The following SDC2 variants were observed in gnomAD, a reference collection of about 807,000 sequenced individuals.
SDC2 encodes syndecan 2, also known as syndecan-2.
SDC2 carries 13 observed loss-of-function variants against 22.2 expected under a neutral mutation model. That is an observed-to-expected ratio of 0.59 (90% CI 0.38 to 0.93). The LOEUF is 0.93. Ranked by LOEUF, SDC2 falls within the 40% of genes least tolerant of loss-of-function variation. SDC2 has a pLI of 0.00. For missense variants in SDC2, 235 were observed against 246.8 expected (o/e 0.95, Z 0.32); for synonymous variants, 94 against 92.8 (o/e 1.01, Z -0.07).
chr8:96,576,205 C>G lies in SDC2; in HGVS notation c.61-17275C>G, dbSNP rs1346088790. Among the ~76,000 whole-genome samples the G allele has an allele frequency of 1.3e-5, 2 of 151,850 alleles. 1 individual carries two copies. Among genetic ancestry groups the G allele is most frequent in the Non-Finnish European group, 2.9e-5 (2 of 67,972 alleles). On this transcript the variant is annotated intron_variant, in intron 1 of 4. Transcript: ENST00000302190. ...GTACCTGGTATGAAGGCGGTACTTT[C>G]TGGTCCCATTAGTGATTAATACCAG...
intron 1 of SDC2, among the ~76,000 whole-genome samples, chr8:96,546,786 T>G (rs1813941158): frequency 6.6e-6 from 1 of 152,198 alleles, no homozygotes; most frequent in African/African-American, 2.4e-5. Flanking sequence ...TGAATGGATT[T>G]CTCAAGTGTT....
At position 96,494,131 on chromosome 8, in the gene SDC2, C is replaced by G. The variant is rs1040404311; in HGVS notation, c.-141C>G. On this transcript the variant is annotated 5_prime_UTR_variant, in exon 1 of 5. Transcript: ENST00000302190. ...AAGCGAGCGCCCCCGAGCCCCGAGC[C>G]CGAGTCCCCGAGCCTGAGCCGCAAT... 1.2e-6 allele frequency: 1 copy of G among 811,460 alleles called. No homozygotes were observed. The highest frequency in any genetic ancestry group is 1.9e-6 in the Non-Finnish European group (1 of 538,528). 50.3% of individuals were successfully genotyped at this position (811,460 alleles called of 1,614,324 possible). A position where few individuals can be genotyped will look rare whatever the true frequency, so the allele number is the denominator to read the frequency against.
chr8:96,599,862 C>T lies in SDC2; in HGVS notation c.173-2533C>T, dbSNP rs920145155. ...ATTAAGAAATGAACCGGCCAGGAGC[C>T]GGGCACAGTGCCTCATACCTATAAT... On this transcript the variant is annotated intron_variant, in intron 2 of 4. Coordinates refer to ENST00000302190, the MANE Select transcript of SDC2 (RefSeq NM_002998.4). 4.6e-5 allele frequency among the ~76,000 whole-genome samples: 7 copies of T among 152,220 alleles called. No homozygotes were observed. In the East Asian group the frequency reaches 5.8e-4, roughly 13 times the overall value.
At chr8:96,534,259 A>G (rs1452507030) in intron 1 of SDC2, among the ~76,000 whole-genome samples, 3 of 152,176 alleles carry the variant, frequency 2.0e-5, no homozygotes, top group African/African-American at 7.2e-5. Flanking sequence ...GGGCCCCCAC[A>G]GTGCAGTGGT....
chr8:96,590,521 G>T (rs1446924762), intron 1 of SDC2, among the ~76,000 whole-genome samples: 1 of 152,188 alleles, frequency 6.6e-6, no homozygotes, highest in Non-Finnish European at 1.5e-5. Context: ...TGTCCCAAGG[G>T]AATATTGGTG....
chr8:96,603,726 A>G (rs1479689031), intron 3 of SDC2, among the ~76,000 whole-genome samples: 1 of 152,048 alleles, frequency 6.6e-6, no homozygotes, highest in Non-Finnish European at 1.5e-5. Context: ...GCACCGCTGG[A>G]TGGGTTTCTG....
chr8:96,587,558 C>T (rs1279463075), intron 1 of SDC2, among the ~76,000 whole-genome samples: 2 of 152,092 alleles, frequency 1.3e-5, no homozygotes, highest in African/African-American at 4.8e-5. Flanking sequence ...ATTGGCGTTA[C>T]TAAAAATTAA....
intron 1 of SDC2, chr8:96,585,146 A>G (rs1278295810): frequency 6.6e-6 from 1 of 152,160 alleles, no homozygotes; most frequent in Non-Finnish European, 1.5e-5. Flanking sequence ...CACCAGTTTC[A>G]TGAAGTGTAT....
chr8:96,585,276 CTG>C (rs1288194715), intron 1 of SDC2, among the ~76,000 whole-genome samples: 4 of 152,170 alleles, frequency 2.6e-5, no homozygotes, highest in African/African-American at 7.2e-5. Flanking sequence ...TTAGTTGTCT[CTG>C]TAATTATTTT....
chr8:96,527,011 T>C (rs1461275034), intron 1 of SDC2, among the ~76,000 whole-genome samples: 1 of 152,196 alleles, frequency 6.6e-6, no homozygotes, highest in African/African-American at 2.4e-5. Flanking sequence ...TCTTTTTGGA[T>C]GTCAGAGTCA....
At chr8:96,562,513 CATT>C (rs1264025879) in intron 1 of SDC2, among the ~76,000 whole-genome samples, 2 of 152,170 alleles carry the variant, frequency 1.3e-5, no homozygotes, top group Non-Finnish European at 2.9e-5. Flanking sequence ...GGAAGAGACT[CATT>C]GTTACTGGAG....
chr8:96,530,939 A>G (rs1017246829), intron 1 of SDC2, among the ~76,000 whole-genome samples: 3 of 152,164 alleles, frequency 2.0e-5, no homozygotes, highest in Non-Finnish European at 2.9e-5. Flanking sequence ...TTTTCACATC[A>G]TGGCACACAT....
chr8:96,574,872 C>T (rs1451433164), intron 1 of SDC2, among the ~76,000 whole-genome samples: 1 of 152,162 alleles, frequency 6.6e-6, no homozygotes, highest in Non-Finnish European at 1.5e-5. Context: ...TTGTGAAAGA[C>T]AGTTTTTCCA....
intron 1 of SDC2, among the ~76,000 whole-genome samples, chr8:96,510,654 T>C (rs1467731321): frequency 6.6e-6 from 1 of 152,208 alleles, no homozygotes; most frequent in Non-Finnish European, 1.5e-5. Context: ...AACATGTATC[T>C]GTCCTACAAT....
At chr8:96,529,490 C>T (rs1262940975) in intron 1 of SDC2, among the ~76,000 whole-genome samples, 2 of 152,156 alleles carry the variant, frequency 1.3e-5, no homozygotes, top group African/African-American at 4.8e-5. Flanking sequence ...GTACGAGTGA[C>T]GGCTATGGCT....
At chr8:96,494,376 G>C in intron 1 of SDC2, 45 bp downstream of exon 1, 1 of 1,527,512 alleles carries the variant, frequency 6.5e-7, no homozygotes. Context: ...TAGGGTGTTT[G>C]AAGCTACGAG....
chr8:96,604,157 G>A (rs1416423311), intron 3 of SDC2, among the ~76,000 whole-genome samples: 1 of 152,304 alleles, frequency 6.6e-6, no homozygotes, highest in East Asian at 1.9e-4. Flanking sequence ...TCCTGGGTGA[G>A]TTTTGGCTTG....
At chr8:96,496,319 A>T (rs1264278486) in intron 1 of SDC2, among the ~76,000 whole-genome samples, 3 of 152,284 alleles carry the variant, frequency 2.0e-5, no homozygotes, top group African/African-American at 7.2e-5. Context: ...AATATTTCTC[A>T]ATTTGAACCA....
At chr8:96,588,342 G>A (rs1456448207) in intron 1 of SDC2, among the ~76,000 whole-genome samples, 1 of 152,188 alleles carries the variant, frequency 6.6e-6, no homozygotes, top group African/African-American at 2.4e-5. Flanking sequence ...TTTAGCTTAA[G>A]GACAGGTATA....
Sources: allele counts gnomAD v4.1 joint callset (sites outside exome capture counted in the v4.1 genomes callset), GRCh38; gene constraint gnomAD v4.1.1; transcripts MANE v1.5; gene names NCBI Gene and HGNC (gene_info 2026-07-23, HGNC 2026-07-21).